Variants in CDH18 observed in about 807,000 individuals in gnomAD.
The protein encoded by CDH18 is cadherin 18, also known as cadherin-18.
CDH18 carries 31 observed loss-of-function variants against 67.9 expected under a neutral mutation model. The ratio of observed to expected loss-of-function variants is 0.46; its 90% CI spans 0.34 to 0.62. CDH18 has a LOEUF of 0.62. Among genes scored for constraint, CDH18 ranks in the 20% least tolerant of loss-of-function variants. The pLI, the probability that CDH18 is intolerant of heterozygous loss-of-function variation, is 0.01. For synonymous variants in CDH18, 362 were observed against 347.2 expected, an observed-to-expected ratio of 1.04 and a Z score of -0.48; for missense variants, 890 against 975.5, an observed-to-expected ratio of 0.91 and a Z score of 1.17.
At chr5:20,144,801 TG>T (rs1365677978) in intron 2 of CDH18, among the ~76,000 whole-genome samples, 1 of 152,050 alleles carries the variant, frequency 6.6e-6, no homozygotes, top group Non-Finnish European at 1.5e-5. Context: ...TAAAATGAAG[TG>T]ATTAGCATAG....
intron 2 of CDH18, among the ~76,000 whole-genome samples, chr5:20,083,019 T>A (rs972573680): frequency 6.6e-6 from 1 of 152,202 alleles, no homozygotes; most frequent in African/African-American, 2.4e-5. Context: ...TCTTGGAAAC[T>A]AACACGCTCC....
chr5:20,026,062 T>C (rs1738868522), intron 2 of CDH18, among the ~76,000 whole-genome samples: 1 of 152,248 alleles, frequency 6.6e-6, no homozygotes, highest in South Asian at 2.1e-4. Context: ...TATTCTACGC[T>C]TGTCACAAAT....
At chr5:19,554,953 A>T (rs1738122959) in intron 8 of CDH18, among the ~76,000 whole-genome samples, 1 of 152,340 alleles carries the variant, frequency 6.6e-6, no homozygotes, top group South Asian at 2.1e-4. Context: ...ATCAACAAGC[A>T]CATGTGTCCA....
intron 5 of CDH18, among the ~76,000 whole-genome samples, chr5:19,677,355 G>A (rs1482005450): frequency 6.6e-6 from 1 of 152,002 alleles, no homozygotes; most frequent in Admixed American, 6.6e-5. Flanking sequence ...AGAAGCAAAT[G>A]CTAACGGAAT....
intron 5 of CDH18, among the ~76,000 whole-genome samples, chr5:19,691,070 A>G (rs1432463000): frequency 1.3e-5 from 2 of 151,896 alleles, no homozygotes; most frequent in African/African-American, 4.8e-5. Context: ...GAAAGACAAT[A>G]TATCATGATA....
intron 2 of CDH18, among the ~76,000 whole-genome samples, chr5:20,227,983 C>G (rs972722308): frequency 4.6e-5 from 7 of 152,068 alleles, no homozygotes; most frequent in Non-Finnish European, 8.8e-5. Flanking sequence ...GCTAACATTG[C>G]CTTTTGAAGA....
At chr5:20,182,884 A>C (rs527333460) in intron 2 of CDH18, among the ~76,000 whole-genome samples, 2 of 152,176 alleles carry the variant, frequency 1.3e-5, no homozygotes, top group South Asian at 4.1e-4. Flanking sequence ...TTATAGTAGC[A>C]AAAACAGCCC....
intron 2 of CDH18, among the ~76,000 whole-genome samples, chr5:20,041,537 C>T (rs116420354): frequency 6.6e-6 from 1 of 152,094 alleles, no homozygotes; most frequent in African/African-American, 2.4e-5. Flanking sequence ...CTTCTCCTCC[C>T]GTGGAAACAA....
intron 2 of CDH18, among the ~76,000 whole-genome samples, chr5:19,891,927 T>C (rs1382094288): frequency 1.3e-5 from 2 of 152,082 alleles, no homozygotes; most frequent in African/African-American, 2.4e-5. Flanking sequence ...AAATGAAGAG[T>C]TGCCACAGAT....
intron 1 of CDH18, among the ~76,000 whole-genome samples, chr5:20,447,960 T>C (rs1366336444): frequency 6.6e-6 from 1 of 152,110 alleles, no homozygotes; most frequent in African/African-American, 2.4e-5. Context: ...CGTGCAGGTT[T>C]GTTACATATG....
chr5:20,304,661 G>C (rs1279064921), intron 1 of CDH18: 14 of 1,611,664 alleles, frequency 8.7e-6, no homozygotes, highest in Non-Finnish European at 1.2e-5. Context: ...GTCGCTCCTA[G>C]TGATGATGGG....
chr5:19,509,208 C>T (rs942706516), intron 10 of CDH18, among the ~76,000 whole-genome samples: 9 of 151,956 alleles, frequency 5.9e-5, no homozygotes, highest in Non-Finnish European at 1.0e-4. Flanking sequence ...CCAAATACCA[C>T]GCGTTCTCAC....
chr5:20,279,864 AG>A (rs1402885017), intron 1 of CDH18, among the ~76,000 whole-genome samples: 1 of 152,100 alleles, frequency 6.6e-6, no homozygotes, highest in Admixed American at 6.6e-5. Flanking sequence ...CTATAGACTA[AG>A]TGGACCTAAT....
intron 2 of CDH18, among the ~76,000 whole-genome samples, chr5:20,099,000 T>C (rs1028090960): frequency 2.0e-5 from 3 of 152,146 alleles, no homozygotes; most frequent in Non-Finnish European, 2.9e-5. Flanking sequence ...GAAATAACTT[T>C]GAAAATGACA....
chr5:20,307,534 A>G (rs1736580437), intron 1 of CDH18, among the ~76,000 whole-genome samples: 1 of 152,234 alleles, frequency 6.6e-6, no homozygotes. Flanking sequence ...ACATGAATTC[A>G]CACATGTTAA....
intron 2 of CDH18, among the ~76,000 whole-genome samples, chr5:19,939,670 A>G (rs1422039682): frequency 2.0e-5 from 3 of 151,834 alleles, no homozygotes; most frequent in Admixed American, 1.3e-4. Context: ...TAGACTCAAG[A>G]TATTTTCTTT....
chr5:19,847,620 G>A (rs1783146989), intron 2 of CDH18, among the ~76,000 whole-genome samples: 1 of 151,690 alleles, frequency 6.6e-6, no homozygotes. Flanking sequence ...TCTTTTGATT[G>A]AGCCCTGTTT....
chr5:19,854,955 T>C (rs1784106238), intron 2 of CDH18, among the ~76,000 whole-genome samples: 1 of 151,604 alleles, frequency 6.6e-6, no homozygotes, highest in South Asian at 2.1e-4. Flanking sequence ...TTTTTTTTTT[T>C]CTAGTTCCCT....
At chr5:20,550,089 A>C (rs1252621805) in intron 1 of CDH18, among the ~76,000 whole-genome samples, 1 of 152,188 alleles carries the variant, frequency 6.6e-6, no homozygotes, top group East Asian at 1.9e-4. Context: ...CTCATATAAG[A>C]CAATGTGTTC....
Sources: allele counts gnomAD v4.1 joint callset (sites outside exome capture counted in the v4.1 genomes callset), GRCh38; gene constraint gnomAD v4.1.1; transcripts MANE v1.5; gene names NCBI Gene and HGNC (gene_info 2026-07-23, HGNC 2026-07-21).